The following SH2D4B variants were observed in gnomAD, a reference collection of about 807,000 sequenced individuals.
The protein encoded by SH2D4B is SH2 domain containing 4B.
Under a neutral mutation model 61.5 loss-of-function variants are expected in SH2D4B, and 45 were observed. That is an observed-to-expected ratio of 0.73 (90% CI 0.58 to 0.94). The LOEUF is 0.94. SH2D4B is among the 40% of genes least tolerant of loss of function. The pLI, the probability that SH2D4B is intolerant of heterozygous loss-of-function variation, is 0.00. For synonymous variants in SH2D4B, 224 were observed against 220.4 expected, an observed-to-expected ratio of 1.02 and a Z score of -0.14; for missense variants, 572 against 574.2, an observed-to-expected ratio of 1.00 and a Z score of 0.04.
chr10:80,552,234 TG>T (rs2132107163), intron 1 of SH2D4B, among the ~76,000 whole-genome samples: 1 of 152,314 alleles, frequency 6.6e-6, no homozygotes, highest in South Asian at 2.1e-4. Flanking sequence ...AGCTGGTCAG[TG>T]ATCAGTGGAC....
rs536831644 is a variant in SH2D4B at position 80,605,039 on chromosome 10, C to T, written c.860+1244C>T. 6.2e-3 allele frequency among the ~76,000 whole-genome samples: 941 copies of T among 152,250 alleles called. 8 individuals carry two copies. Among genetic ancestry groups the T allele is most frequent in the Middle Eastern group, 0.017 (5 of 292 alleles). ...CGATTTCCTGACCTTGTGATCTGCCCACCTCGGCCTCCCAAAGTGCTGGGA... is the reference window on the plus strand; with the variant it reads ...CGATTTCCTGACCTTGTGATCTGCCTACCTCGGCCTCCCAAAGTGCTGGGA... On this transcript the variant is annotated intron_variant, in intron 5 of 7. Coordinates refer to ENST00000646907, the MANE Select transcript of SH2D4B (RefSeq NM_001388272.1).
chr10:80,563,105 T>G lies in SH2D4B; in HGVS notation c.185-7049T>G, dbSNP rs533870023. ...TTTAGTAGAGACGGGGTTTCACCGTTTTAGCCGGGATGGTCTCGATCTCCT... is the reference window on the plus strand; with the variant it reads ...TTTAGTAGAGACGGGGTTTCACCGTGTTAGCCGGGATGGTCTCGATCTCCT... On this transcript the variant is annotated intron_variant, in intron 1 of 7. Transcript: ENST00000646907. Among the ~76,000 whole-genome samples the G allele has an allele frequency of 6.4e-3, 968 of 151,626 alleles. 11 individuals are homozygous for G. Among genetic ancestry groups the G allele is most frequent in the African/African-American group, 0.022 (927 of 41,312 alleles).
intron 4 of SH2D4B, among the ~76,000 whole-genome samples, chr10:80,603,181 T>C (rs1343924555): frequency 2.6e-5 from 4 of 151,860 alleles, no homozygotes; most frequent in South Asian, 2.1e-4. Flanking sequence ...GGGCAGAGGA[T>C]TTGAGGAGCT....
intron 3 of SH2D4B, 82 bp from the exon 4 acceptor site, chr10:80,588,548 G>A: frequency 6.4e-7 from 1 of 1,560,032 alleles, no homozygotes; most frequent in Non-Finnish European, 8.7e-7. Context: ...CCCATCCACT[G>A]CAGAATCCCA....
At chr10:80,586,735 T>C (rs570057267) in intron 3 of SH2D4B, among the ~76,000 whole-genome samples, 1 of 152,294 alleles carries the variant, frequency 6.6e-6, no homozygotes, top group East Asian at 1.9e-4. Flanking sequence ...TGGGATCCCC[T>C]TGCCGCTGTG....
chr10:80,565,308 C>A (rs764413255), intron 1 of SH2D4B, among the ~76,000 whole-genome samples: 65 of 152,168 alleles, frequency 4.3e-4, no homozygotes, highest in Admixed American at 2.2e-3. Context: ...CTGTACCCCC[C>A]ACCCCCAGCC....
At chr10:80,566,575 C>G (rs116386422) in intron 1 of SH2D4B, among the ~76,000 whole-genome samples, 1 of 152,178 alleles carries the variant, frequency 6.6e-6, no homozygotes, top group East Asian at 1.9e-4. Context: ...GGATTACATG[C>G]GTGAGCCACT....
rs1447339820 is a variant in SH2D4B at position 80,634,376 on chromosome 10, C to T, written c.1080C>T (p.Tyr360=). ...GGGTCAGTGAGAAAATCTGGGGTTA[C>T]ACCCTCTCCTACCGCCTGCAGAAAG... ...LVRVSEKIWG[Y]TLSYRLQKGF... is the part of the protein sequence containing the mutation. Residue 360 remains tyrosine (Y), a synonymous_variant, in exon 7 of 8, where the codon TAC becomes TAT. Transcript: ENST00000646907. 5 of 1,550,482 alleles carry T rather than the reference C, an allele frequency of 3.2e-6. No individual in the cohort carries two copies. Among genetic ancestry groups the T allele is most frequent in the Non-Finnish European group, 4.4e-6 (5 of 1,146,988 alleles).
intron 1 of SH2D4B, among the ~76,000 whole-genome samples, chr10:80,559,612 C>A (rs1033438538): frequency 1.3e-5 from 2 of 150,410 alleles, no homozygotes; most frequent in Non-Finnish European, 3.0e-5. Context: ...ACTATGATAA[C>A]CTGAATTTAA....
intron 1 of SH2D4B, among the ~76,000 whole-genome samples, chr10:80,560,077 TC>T (rs1209024924): frequency 7.2e-6 from 1 of 139,532 alleles, no homozygotes; most frequent in Non-Finnish European, 1.5e-5. Flanking sequence ...AAGCTCCGCC[TC>T]CCAGGTTCAC....
intron 4 of SH2D4B, among the ~76,000 whole-genome samples, chr10:80,589,284 G>A (rs1239123049): frequency 3.9e-5 from 6 of 152,240 alleles, no homozygotes; most frequent in East Asian, 1.9e-4. Flanking sequence ...GATTACAGGC[G>A]TGAGCCACCA....
intron 6 of SH2D4B, among the ~76,000 whole-genome samples, chr10:80,629,699 G>C (rs370691369): frequency 2.6e-5 from 4 of 152,320 alleles, no homozygotes; most frequent in Admixed American, 6.5e-5. Context: ...TATTGTATTA[G>C]ATATTTATTG....
intron 6 of SH2D4B, among the ~76,000 whole-genome samples, chr10:80,612,040 A>G (rs751560178): frequency 3.3e-5 from 5 of 152,052 alleles, no homozygotes; most frequent in Non-Finnish European, 7.3e-5. Flanking sequence ...TCATATTCTA[A>G]GATTATATCC....
Position 80,584,426 on chromosome 10 carries a change from C to A in SH2D4B, c.496-4204C>A, listed in dbSNP as rs551258981. 2.6e-5 allele frequency among the ~76,000 whole-genome samples: 4 copies of A among 152,274 alleles called. No homozygotes were observed. The South Asian group carries it at 8.3e-4, about 32-fold the overall frequency. ...GAATGATTTACTACATCTGAGAAAA[C>A]TTTGGGAAAATTCAATATTCAGCTT... On this transcript the variant is annotated intron_variant, in intron 3 of 7. Transcript: ENST00000646907.
intron 6 of SH2D4B, among the ~76,000 whole-genome samples, chr10:80,633,941 TTA>T (rs1301422158): frequency 8.5e-5 from 13 of 152,226 alleles, no homozygotes; most frequent in Non-Finnish European, 1.6e-4. Flanking sequence ...TGACTTATAT[TTA>T]TAATCAATAA....
At chr10:80,616,926 G>A (rs894070387) in intron 6 of SH2D4B, among the ~76,000 whole-genome samples, 1 of 152,206 alleles carries the variant, frequency 6.6e-6, no homozygotes, top group East Asian at 1.9e-4. Flanking sequence ...TTTCTCATAT[G>A]TTCATTGATT....
intron 6 of SH2D4B, among the ~76,000 whole-genome samples, chr10:80,632,140 GACA>G (rs1351611488): frequency 6.6e-6 from 1 of 151,884 alleles, no homozygotes; most frequent in Admixed American, 6.6e-5. Flanking sequence ...AAAGTGTGGA[GACA>G]ACAACATGGG....
At chr10:80,596,465 G>A (rs1842386789) in intron 4 of SH2D4B, among the ~76,000 whole-genome samples, 1 of 152,172 alleles carries the variant, frequency 6.6e-6, no homozygotes, top group African/African-American at 2.4e-5. Flanking sequence ...TAGGGAGGTC[G>A]GGGCATCAGG....
chr10:80,616,821 A>G (rs909820840), intron 6 of SH2D4B, among the ~76,000 whole-genome samples: 1 of 152,206 alleles, frequency 6.6e-6, no homozygotes, highest in African/African-American at 2.4e-5. Context: ...AACATCCAGT[A>G]TTTCACTTAC....
Sources: gnomAD v4.1 joint callset for allele counts (sites outside exome capture counted in the v4.1 genomes callset) on GRCh38, gnomAD v4.1.1 for gene constraint, MANE v1.5 for transcripts, NCBI Gene and HGNC (gene_info 2026-07-23, HGNC 2026-07-21) for gene names.